B4GALNT2: variants seen among roughly 807,000 people sequenced by gnomAD.
B4GALNT2 encodes the protein beta-1,4-N-acetyl-galactosaminyltransferase 2 (SID blood group), also known as N-acetylneuraminylgalactosylglucosyl-glucoside beta-1,4-N- acetylgalactosaminyltransferase 2.
In B4GALNT2, 42 loss-of-function variants were observed where a neutral mutation model predicts 51.1. The observed-to-expected ratio is 0.82, with a 90% CI of 0.64 to 1.06. The LOEUF (loss-of-function observed/expected upper bound fraction) is 1.06. Ranked by LOEUF, B4GALNT2 falls within the 50% of genes least tolerant of loss-of-function variation. B4GALNT2 has a pLI of 0.00. For missense variants in B4GALNT2, 602 were observed against 633.6 expected (o/e 0.95, Z 0.54); for synonymous variants, 253 against 251.7 (o/e 1.01, Z -0.05).
upstream of B4GALNT2, among the ~76,000 whole-genome samples, chr17:49,128,427 G>A (rs948216737): frequency 2.0e-5 from 3 of 152,098 alleles, no homozygotes; most frequent in South Asian, 6.2e-4. Flanking sequence ...ATGCAGAGGG[G>A]GTTCATCTGC....
chr17:49,148,399 G>T, intron 3 of B4GALNT2: 3 of 329,764 alleles, frequency 9.1e-6, no homozygotes, highest in South Asian at 7.3e-5. Flanking sequence ...TTTGGTTGTT[G>T]ACACAGCCTC....
At position 49,141,969 on chromosome 17, in the gene B4GALNT2, C is replaced by T. The variant is rs957387550; in HGVS notation, c.216-66C>T. 4.4e-6 allele frequency: 7 copies of T among 1,586,808 alleles called. No homozygotes were observed. The African/African-American group carries it at 6.7e-5, about 15-fold the overall frequency. ...GTAAACTACACACTGGATTAGGACTCCGGTTTCCTCTCACCCACCAGCCTA... is the reference window on the plus strand; with the variant it reads ...GTAAACTACACACTGGATTAGGACTTCGGTTTCCTCTCACCCACCAGCCTA... On this transcript the variant is annotated intron_variant, in intron 2 of 10. Transcript: ENST00000393354.
chr17:49,150,398 G>T (rs913924610), intron 3 of B4GALNT2, among the ~76,000 whole-genome samples: 1 of 152,130 alleles, frequency 6.6e-6, no homozygotes, highest in Admixed American at 6.5e-5. Context: ...CCCTCTGCCT[G>T]GCCACCACCC....
At chr17:49,151,097 G>A (rs2042750579) in intron 3 of B4GALNT2, among the ~76,000 whole-genome samples, 2 of 38 alleles carry the variant, frequency 0.053, no homozygotes, top group South Asian at 0.5. Context: ...ATCTTAGGCC[G>A]GGCGCGGTGG....
chr17:49,160,388 A>G (rs138532987), intron 6 of B4GALNT2, among the ~76,000 whole-genome samples, 167 bp from the exon 7 acceptor site: 1 of 152,310 alleles, frequency 6.6e-6, no homozygotes, highest in African/African-American at 2.4e-5. Flanking sequence ...GGGACACAGC[A>G]AGGCAGAAGC....
chr17:49,141,151 C>A, intron 1 of B4GALNT2, 96 bp from the exon 2 acceptor site: 1 of 1,207,814 alleles, frequency 8.3e-7, no homozygotes, highest in Non-Finnish European at 1.2e-6. Context: ...AAGCTATGTG[C>A]TTAGCTTACA....
intron 1 of B4GALNT2, chr17:49,133,067 A>G (rs7207842): frequency 0.8 from 1,198,386 of 1,504,222 alleles, 480,194 homozygotes; most frequent in Middle Eastern, 0.87. Context: ...TCCACGTGGA[A>G]GTGGCCTCTC....
Position 49,133,316 on chromosome 17 carries a change from G to A in B4GALNT2, c.14+510G>A. 5 of 1,380,472 alleles carry A rather than the reference G, an allele frequency of 3.6e-6. No individual in the cohort carries two copies. The South Asian group carries it at 8.2e-5, about 23-fold the overall frequency. The allele number at this position is 1,380,472 out of a possible 1,614,324, so 85.5% of individuals were successfully genotyped here. On this transcript the variant is annotated intron_variant, in intron 1 of 10. Coordinates refer to ENST00000393354, the MANE Select transcript of B4GALNT2 (RefSeq NM_001159387.2). ...ACAGTCCGCGCGGAGTCAGGGAAAA[G>A]TCGGTTTTCAAATCCAGGCGCCCAC... is the stretch of plus-strand genomic sequence containing the variant.
the B4GALNT2 span, among the ~76,000 whole-genome samples, chr17:49,120,767 C>T: frequency 0.16 from 23,743 of 151,986 alleles, 2,043 homozygotes; most frequent in South Asian, 0.26. Flanking sequence ...ACCTCGGCTT[C>T]CCAAAGTGCT....
upstream of B4GALNT2, among the ~76,000 whole-genome samples, chr17:49,131,462 G>GAAAAAAA (rs367790096): frequency 2.0e-5 from 2 of 100,308 alleles, no homozygotes; most frequent in Non-Finnish European, 3.7e-5. Context: ...CCCAGACTCC[G>GAAAAAAA]AAAAAAAAAA....
intron 9 of B4GALNT2, 44 bp from the exon 10 acceptor site, chr17:49,168,637 T>G (rs1283282221): frequency 5.1e-6 from 8 of 1,572,442 alleles, no homozygotes; most frequent in Non-Finnish European, 7.0e-6. Flanking sequence ...GCAGGATGAA[T>G]ATTGATCTGC....
intron 7 of B4GALNT2, among the ~76,000 whole-genome samples, chr17:49,161,490 G>A (rs2144330148): frequency 6.6e-6 from 1 of 151,790 alleles, no homozygotes; most frequent in Non-Finnish European, 1.5e-5. Flanking sequence ...CTTGAGCCTG[G>A]GAGGTCAAAG....
rs2042980302 is a variant in B4GALNT2, at chr17:49,175,234, G to A, written c.*5506G>A. On this transcript the variant is annotated 3_prime_UTR_variant, in exon 11 of 11. Coordinates refer to ENST00000393354, the MANE Select transcript of B4GALNT2 (RefSeq NM_001159387.2). ...CCCTGAATAGTTATTTCACAGGTAG[G>A]ATGTTTATCAGTAATTTGATTCACC... The A allele has an allele frequency of 6.6e-6, 1 of 152,122 alleles. No homozygotes were observed. The highest frequency in any genetic ancestry group is 2.4e-5 in the African/African-American group (1 of 41,412). The allele number at this position is 152,122 out of a possible 1,614,324, so 9.4% of individuals were successfully genotyped here. A position where few individuals can be genotyped will look rare whatever the true frequency, so the allele number is the denominator to read the frequency against.
At chr17:49,149,289 G>T (rs55882114) in intron 3 of B4GALNT2, among the ~76,000 whole-genome samples, 50,579 of 151,854 alleles carry the variant, frequency 0.33, 8,958 homozygotes, top group East Asian at 0.46. Context: ...AAACCTTCAT[G>T]TTTACATTTA....
chr17:49,162,257 G>A (rs1169693053), intron 7 of B4GALNT2, among the ~76,000 whole-genome samples: 1 of 152,122 alleles, frequency 6.6e-6, no homozygotes, highest in Non-Finnish European at 1.5e-5. Flanking sequence ...TTACTTAAGA[G>A]CATCTATGAC....
At chr17:49,159,319 G>C (rs1043488106) in intron 6 of B4GALNT2, 102 bp downstream of exon 6, 11 of 1,292,534 alleles carry the variant, frequency 8.5e-6, no homozygotes, top group Non-Finnish European at 1.2e-5. Flanking sequence ...TGTTTTTTGT[G>C]TTTTGTGTGT....
intron 3 of B4GALNT2, among the ~76,000 whole-genome samples, chr17:49,144,032 C>T (rs896927457): frequency 1.3e-5 from 2 of 152,066 alleles, no homozygotes; most frequent in African/African-American, 4.8e-5. Flanking sequence ...GCCTGTAGTC[C>T]CAGCTACTCA....
At chr17:49,152,275 G>A (rs773674735) in intron 3 of B4GALNT2, among the ~76,000 whole-genome samples, 2 of 152,144 alleles carry the variant, frequency 1.3e-5, no homozygotes, top group African/African-American at 4.8e-5. Context: ...GCTATGAAAA[G>A]GCTGAGATGG....
At chr17:49,146,782 T>C (rs114160265) in intron 3 of B4GALNT2, among the ~76,000 whole-genome samples, 2,414 of 152,306 alleles carry the variant, frequency 0.016, 62 homozygotes, top group African/African-American at 0.052. Context: ...TCCATCAGAC[T>C]GGAAGGTTCA....
Sources: allele counts gnomAD v4.1 joint callset (sites outside exome capture counted in the v4.1 genomes callset), GRCh38; gene constraint gnomAD v4.1.1; transcripts MANE v1.5; gene names NCBI Gene and HGNC (gene_info 2026-07-23, HGNC 2026-07-21).